Variants in DNAJC21 observed in about 807,000 individuals in gnomAD.
The protein encoded by DNAJC21 is DnaJ heat shock protein family (Hsp40) member C21.
Under a neutral mutation model 72.4 loss-of-function variants are expected in DNAJC21, and 63 were observed. The ratio of observed to expected loss-of-function variants is 0.87; its 90% confidence interval spans 0.71 to 1.07. The LOEUF is 1.07. DNAJC21 is among the 50% of genes least tolerant of loss of function. The pLI is 0.00. For synonymous variants in DNAJC21, 203 were observed against 216.7 expected, an observed-to-expected ratio of 0.94 and a Z score of 0.56; for missense variants, 634 against 644.8, an observed-to-expected ratio of 0.98 and a Z score of 0.18.
At chr5:34,930,120 C>T (rs1561178327) in intron 1 of DNAJC21, 2 of 399,242 alleles carry the variant, frequency 5.0e-6, no homozygotes, top group South Asian at 8.3e-5. Context: ...CCGGCTCACA[C>T]CCCATCTCCT....
chr5:34,945,407 T>C (rs776380795), intron 8 of DNAJC21, among the ~76,000 whole-genome samples: 7 of 152,202 alleles, frequency 4.6e-5, no homozygotes, highest in South Asian at 2.1e-4. Flanking sequence ...AAGGAAGTTA[T>C]TCTAACTAGA....
At chr5:34,944,170 G>C (rs1765092979) in intron 7 of DNAJC21, among the ~76,000 whole-genome samples, 3 of 152,186 alleles carry the variant, frequency 2.0e-5, no homozygotes, top group Non-Finnish European at 4.4e-5. Context: ...TTGCCTGTAG[G>C]TGTGCTGAGA....
chr5:34,954,576 C>G lies in DNAJC21; in HGVS notation c.1458C>G (p.Thr486=). Residue 486 remains threonine (T), a synonymous_variant, in exon 12 of 12, where the codon ACC becomes ACG. Coordinates refer to ENST00000648817, the MANE Select transcript of DNAJC21 (RefSeq NM_001012339.3). ...AGAGTGTTCTTATCAGCTGTACAAC[C>G]TGCCATAGTGAATTTCCATCTCGGA... ...QTMSVLISCT[T]CHSEFPSRNK... 2 of 1,612,424 alleles carry G rather than the reference C, an allele frequency of 1.2e-6. No homozygotes were observed. Among genetic ancestry groups the G allele is most frequent in the Non-Finnish European group, 1.7e-6 (2 of 1,179,422 alleles).
intron 10 of DNAJC21, chr5:34,952,259 T>C (rs1765398421): frequency 1.0e-6 from 1 of 981,352 alleles, no homozygotes; most frequent in Admixed American, 6.2e-5. Context: ...TTGTTAGACA[T>C]ATTTCTGACA....
At chr5:34,941,294 C>G in intron 7 of DNAJC21, 111 bp downstream of exon 7, 1 of 933,886 alleles carries the variant, frequency 1.1e-6, no homozygotes, top group Non-Finnish European at 1.7e-6. Context: ...ACCTGTTGAA[C>G]TCAGATGATC....
At chr5:34,954,427 C>T (rs905582542) in intron 11 of DNAJC21, 126 bp from the exon 12 acceptor site, 19 of 1,143,472 alleles carry the variant, frequency 1.7e-5, no homozygotes, top group Non-Finnish European at 2.3e-5. Flanking sequence ...GTGTTTATTA[C>T]CTGTCCACTC....
rs1227559684 is a variant in DNAJC21, at chr5:34,929,584, G to A, written c.-236G>A. On this transcript the variant is annotated 5_prime_UTR_variant, in exon 1 of 12. Coordinates refer to ENST00000648817, the MANE Select transcript of DNAJC21 (RefSeq NM_001012339.3). Reference sequence around the variant, plus strand: ...ATGCGAAGCGGCGGCCGCCGGCACCGCCCCCGCCGCGCTCCCGCTTGCCGC... The same window carrying A: ...ATGCGAAGCGGCGGCCGCCGGCACCACCCCCGCCGCGCTCCCGCTTGCCGC... 2 of 149,596 alleles carry A rather than the reference G, an allele frequency of 1.3e-5. No individual in the cohort carries two copies. Among genetic ancestry groups the A allele is most frequent in the African/African-American group, 2.5e-5 (1 of 40,030 alleles). 9.3% of individuals were successfully genotyped at this position (149,596 alleles called of 1,614,324 possible).
chr5:34,937,349 T>C lies in DNAJC21; in HGVS notation c.462T>C (p.Tyr154=). Residue 154 remains tyrosine (Y), a synonymous_variant, in exon 5 of 12, where the codon TAT becomes TAC. Transcript: ENST00000648817. ...AGGTAGTCCATCCTTTCTACGCTTA[T>C]TGGCAGAGTTTCTGCACTCAAAAGA... is the stretch of plus-strand genomic sequence containing the variant. ...YDTVVHPFYA[Y]WQSFCTQKNF... is the part of the protein sequence containing the mutation. 1 of 1,612,912 alleles carries C rather than the reference T, an allele frequency of 6.2e-7. No individual in the cohort carries two copies. Among genetic ancestry groups the C allele is most frequent in the South Asian group, 1.1e-5 (1 of 90,848 alleles).
At chr5:34,950,504 TG>T in intron 10 of DNAJC21, 162 bp downstream of exon 10, 1 of 1,301,920 alleles carries the variant, frequency 7.7e-7, no homozygotes, top group Non-Finnish European at 9.8e-7. Context: ...TGTATACAGA[TG>T]AAGAGCGTTG....
intron 9 of DNAJC21, chr5:34,949,419 T>C: frequency 6.9e-7 from 1 of 1,451,916 alleles, no homozygotes; most frequent in Non-Finnish European, 9.2e-7. Context: ...ACACCCCCTA[T>C]CCTGTATATC....
At chr5:34,953,279 C>G (rs1007696616) in intron 10 of DNAJC21, among the ~76,000 whole-genome samples, 23 of 151,438 alleles carry the variant, frequency 1.5e-4, no homozygotes, top group Non-Finnish European at 1.3e-4. Flanking sequence ...TTTTTTTCCC[C>G]CTGAAACAGT....
At chr5:34,943,348 A>G (rs1186171377) in intron 7 of DNAJC21, among the ~76,000 whole-genome samples, 1 of 152,084 alleles carries the variant, frequency 6.6e-6, no homozygotes, top group Non-Finnish European at 1.5e-5. Flanking sequence ...GTCTTTGTGC[A>G]TTTCCTCATG....
intron 10 of DNAJC21, chr5:34,951,404 G>C (rs2112098820): frequency 1.0e-6 from 1 of 985,458 alleles, no homozygotes; most frequent in Admixed American, 6.1e-5. Flanking sequence ...AAGGCACCCA[G>C]ATCATCTGAC....
At chr5:34,941,251 G>A in intron 7 of DNAJC21, 68 bp downstream of exon 7, 1 of 1,422,342 alleles carries the variant, frequency 7.0e-7, no homozygotes, top group Non-Finnish European at 9.8e-7. Context: ...AGGCAGGAGT[G>A]CAGTGGCACA....
chr5:34,935,639 A>G, intron 2 of DNAJC21, 71 bp from the exon 3 acceptor site: 4 of 1,593,544 alleles, frequency 2.5e-6, no homozygotes. Context: ...ATAATATTCA[A>G]AAGGAGCAAG....
At chr5:34,947,100 T>A (rs1765196753) in intron 9 of DNAJC21, among the ~76,000 whole-genome samples, 1 of 152,128 alleles carries the variant, frequency 6.6e-6, no homozygotes, top group Admixed American at 6.5e-5. Flanking sequence ...ATAATGAGTA[T>A]CTTGAAACTT....
In DNAJC21 at chr5:34,958,889, TGAGAA is replaced by T. The variant is rs1387063039; in HGVS notation, c.*4179_*4183del. ...AATGACTATTTTTCAAAACAAAAAATGAGAAGAGTGGTATTGTTTTACATTTTTAC... is the reference window on the plus strand; with the variant it reads ...AATGACTATTTTTCAAAACAAAAAATGAGTGGTATTGTTTTACATTTTTAC... On this transcript the variant is annotated 3_prime_UTR_variant, in exon 12 of 12. Coordinates refer to ENST00000648817, the MANE Select transcript of DNAJC21 (RefSeq NM_001012339.3). 1 of 152,192 alleles carries T rather than the reference TGAGAA, an allele frequency of 6.6e-6. No homozygotes were observed. The highest frequency in any genetic ancestry group is 1.5e-5 in the Non-Finnish European group (1 of 68,026). 9.4% of individuals were successfully genotyped at this position (152,192 alleles called of 1,614,324 possible).
chr5:34,953,275 T>C lies in DNAJC21; in HGVS notation c.1359-651T>C, dbSNP rs72732857. On this transcript the variant is annotated intron_variant, in intron 10 of 11. Coordinates refer to ENST00000648817, the MANE Select transcript of DNAJC21 (RefSeq NM_001012339.3). Reference sequence around the variant, plus strand: ...ATTAAGTGCTTTGTGCTTTTTTTTTTCCCCCTGAAACAGTCTTACTCTGTC... The same window carrying C: ...ATTAAGTGCTTTGTGCTTTTTTTTTCCCCCCTGAAACAGTCTTACTCTGTC... 5.1e-3 allele frequency among the ~76,000 whole-genome samples: 775 copies of C among 151,832 alleles called. 9 individuals are homozygous for C. The highest frequency in any genetic ancestry group is 7.6e-3 in the Non-Finnish European group (519 of 67,942).
chr5:34,943,440 A>G (rs1765065348), intron 7 of DNAJC21, among the ~76,000 whole-genome samples: 1 of 152,222 alleles, frequency 6.6e-6, no homozygotes, highest in African/African-American at 2.4e-5. Context: ...GGAGACACGT[A>G]AAGTCCTTCT....
Sources: allele counts gnomAD v4.1 joint callset (sites outside exome capture counted in the v4.1 genomes callset), GRCh38; gene constraint gnomAD v4.1.1; transcripts MANE v1.5; gene names NCBI Gene and HGNC (gene_info 2026-07-23, HGNC 2026-07-21).